STPG4: variants seen among roughly 807,000 people sequenced by gnomAD.
The protein encoded by STPG4 is protein STPG4.
STPG4 carries 41 observed loss-of-function variants against 31.5 expected under a neutral mutation model. The ratio of observed to expected loss-of-function variants is 1.30; its 90% confidence interval spans 1.01 to 1.69. STPG4 has a LOEUF of 1.69. Among genes scored for constraint, STPG4 ranks in the 40% most tolerant of loss-of-function variants. The pLI is 0.00. For synonymous variants in STPG4, 141 were observed against 103.0 expected (o/e 1.37, Z -2.24); for missense variants, 375 against 293.4 (o/e 1.28, Z -2.03).
intron 5 of STPG4, among the ~76,000 whole-genome samples, chr2:47,091,086 G>A (rs1438872593): frequency 7.2e-6 from 1 of 139,274 alleles, no homozygotes; most frequent in East Asian, 2.4e-4. Flanking sequence ...ATTAAAACAG[G>A]TTAAGAAAGA....
chr2:47,116,186 C>G (rs79420356), intron 5 of STPG4, among the ~76,000 whole-genome samples: 270 of 152,326 alleles, frequency 1.8e-3, no homozygotes, highest in African/African-American at 5.5e-3. Flanking sequence ...AATGCGTCCC[C>G]TCCAAAATTC....
At chr2:47,101,872 T>G (rs1387975008) in intron 5 of STPG4, among the ~76,000 whole-genome samples, 1 of 151,730 alleles carries the variant, frequency 6.6e-6, no homozygotes, top group African/African-American at 2.4e-5. Flanking sequence ...CATAACATCT[T>G]TATAGGAAAG....
chr2:47,120,612 T>C (rs1030142066), intron 5 of STPG4, among the ~76,000 whole-genome samples: 1 of 152,066 alleles, frequency 6.6e-6, no homozygotes, highest in Non-Finnish European at 1.5e-5. Flanking sequence ...AGTTCCCCCT[T>C]ATTTGACATC....
At chr2:47,129,818 G>C (rs1686437240) in intron 5 of STPG4, 123 bp downstream of exon 5, 17 of 1,203,510 alleles carry the variant, frequency 1.4e-5, no homozygotes, top group Admixed American at 7.8e-5. Context: ...GTGGATAATG[G>C]TGTTCCTGCT....
chr2:47,115,898 C>T (rs1686144355), intron 5 of STPG4, among the ~76,000 whole-genome samples: 1 of 152,174 alleles, frequency 6.6e-6, no homozygotes, highest in African/African-American at 2.4e-5. Flanking sequence ...AGGCAATCCA[C>T]CTGCCTCGGG....
At position 47,130,003 on chromosome 2, in the gene STPG4, T is replaced by C. The variant is rs745978711; in HGVS notation, c.465-8A>G. On this transcript the variant is annotated splice_region_variant and splice_polypyrimidine_tract_variant and intron_variant, in intron 4 of 6. Transcript: ENST00000445927. ...GAGCGAAATACACAGCTCCTATATT[T>C]CAAAATAAAAAAGAAAAGTGATTTT... 1.6e-5 allele frequency: 24 copies of C among 1,537,118 alleles called. No homozygotes were observed. The highest frequency in any genetic ancestry group is 2.0e-5 in the Non-Finnish European group (22 of 1,121,904).
chr2:47,104,331 A>G (rs1685858859), intron 5 of STPG4, among the ~76,000 whole-genome samples: 1 of 152,054 alleles, frequency 6.6e-6, no homozygotes, highest in African/African-American at 2.4e-5. Flanking sequence ...TAGTAAGGAA[A>G]TGCAGCAGTC....
chr2:47,112,414 G>A (rs1404796105), intron 5 of STPG4, among the ~76,000 whole-genome samples: 2 of 151,558 alleles, frequency 1.3e-5, no homozygotes, highest in Non-Finnish European at 1.5e-5. Context: ...CAAGTGATCT[G>A]CCCACCTCGG....
chr2:47,090,650 C>CT lies in STPG4; in HGVS notation c.520-277_520-276insA, dbSNP rs913451675. Among the ~76,000 whole-genome samples, 3 of 152,166 alleles carry CT rather than the reference C, an allele frequency of 2.0e-5. No homozygotes were observed. The East Asian group carries it at 5.8e-4, about 29-fold the overall frequency. On this transcript the variant is annotated intron_variant, in intron 5 of 6. Transcript: ENST00000445927. ...CTTCTCCCTGCCAGGGTCCCTGATG[C>CT]CCCCAGGCTCCCAGCCCACACTCAG...
chr2:47,097,843 T>A (rs1363920796), intron 5 of STPG4, among the ~76,000 whole-genome samples: 1 of 151,832 alleles, frequency 6.6e-6, no homozygotes, highest in Non-Finnish European at 1.5e-5. Flanking sequence ...AGGGGCTGGA[T>A]GCAGTGGCTC....
intron 5 of STPG4, among the ~76,000 whole-genome samples, chr2:47,101,666 C>A (rs1162779025): frequency 6.6e-6 from 1 of 151,768 alleles, no homozygotes; most frequent in Non-Finnish European, 1.5e-5. Flanking sequence ...GCCCAAAGCC[C>A]CATCATAGTG....
At chr2:47,090,465 C>T in intron 5 of STPG4, 91 bp from the exon 6 acceptor site, 1 of 824,276 alleles carries the variant, frequency 1.2e-6, no homozygotes, top group Middle Eastern at 2.8e-4. Flanking sequence ...ACATATGAAT[C>T]ACTGTGATAT....
intron 3 of STPG4, among the ~76,000 whole-genome samples, chr2:47,133,436 A>G (rs1686528176): frequency 6.6e-6 from 1 of 152,080 alleles, no homozygotes; most frequent in Non-Finnish European, 1.5e-5. Flanking sequence ...CTAAGTGCTC[A>G]GATTATAGGT....
At position 47,148,388 on chromosome 2, in the gene STPG4, C is replaced by T. The variant is rs570871814; in HGVS notation, c.399+2870G>A. ...AAACCTCAGCATCATGGAATATACA[C>T]GGGTAACAAACCTGCACATGTAGAC... On this transcript the variant is annotated intron_variant, in intron 3 of 6. Transcript: ENST00000445927. Among the ~76,000 whole-genome samples the T allele has an allele frequency of 5.9e-4, 90 of 151,642 alleles. No individual in the cohort carries two copies. In the South Asian group the frequency reaches 7.1e-3, roughly 12 times the overall value.
chr2:47,102,469 A>G (rs1685820947), intron 5 of STPG4, among the ~76,000 whole-genome samples: 1 of 151,772 alleles, frequency 6.6e-6, no homozygotes, highest in Non-Finnish European at 1.5e-5. Flanking sequence ...GGGAAGTACA[A>G]ATTACAATAC....
intron 2 of STPG4, among the ~76,000 whole-genome samples, chr2:47,152,742 G>A (rs1341994310): frequency 6.6e-6 from 1 of 152,176 alleles, no homozygotes; most frequent in Non-Finnish European, 1.5e-5. Context: ...TTCTAGAATT[G>A]TTTAACTTTC....
intron 5 of STPG4, among the ~76,000 whole-genome samples, chr2:47,116,511 G>A (rs1048959969): frequency 2.0e-5 from 3 of 152,032 alleles, no homozygotes; most frequent in East Asian, 1.9e-4. Flanking sequence ...TTTTGTAGAC[G>A]GTTTTACGGA....
At chr2:47,087,583 A>G (rs1430892821) in intron 6 of STPG4, among the ~76,000 whole-genome samples, 1 of 152,198 alleles carries the variant, frequency 6.6e-6, no homozygotes, top group Non-Finnish European at 1.5e-5. Flanking sequence ...TCGCCTCTCA[A>G]ACTCGGGTTG....
At chr2:47,099,951 G>A (rs1487521755) in intron 5 of STPG4, among the ~76,000 whole-genome samples, 3 of 152,156 alleles carry the variant, frequency 2.0e-5, no homozygotes, top group South Asian at 2.1e-4. Context: ...TTCTCGCTGG[G>A]TCTTAGCTGC....
Sources: allele counts gnomAD v4.1 joint callset (sites outside exome capture counted in the v4.1 genomes callset), GRCh38; gene constraint gnomAD v4.1.1; transcripts MANE v1.5; gene names NCBI Gene and HGNC (gene_info 2026-07-23, HGNC 2026-07-21).